TEKT3: variants seen among roughly 807,000 people sequenced by gnomAD.
The protein encoded by TEKT3 is tektin-3.
A neutral mutation model predicts 49.8 loss-of-function variants in TEKT3; 49 were observed. That is an observed-to-expected ratio of 0.98 (90% CI 0.78 to 1.25). TEKT3 has a LOEUF of 1.25. Among genes scored for constraint, TEKT3 ranks in the 50% most tolerant of loss-of-function variants. The pLI, the probability that TEKT3 is intolerant of heterozygous loss-of-function variation, is 0.00. For missense variants in TEKT3, 595 were observed against 629.5 expected (o/e 0.95, Z 0.59); for synonymous variants, 225 against 237.2 (o/e 0.95, Z 0.47).
chr17:15,322,823 T>G (rs1288712134), intron 4 of TEKT3, among the ~76,000 whole-genome samples: 1 of 152,188 alleles, frequency 6.6e-6, no homozygotes, highest in Admixed American at 6.5e-5. Flanking sequence ...GGTGCAGATA[T>G]TTCATTTCCA....
Position 15,331,356 on chromosome 17 carries a change from T to A in TEKT3, c.230A>T (p.Glu77Val), listed in dbSNP as rs1462414394. The A allele has an allele frequency of 6.2e-7, 1 of 1,614,206 alleles. No individual in the cohort carries two copies. Among genetic ancestry groups the A allele is most frequent in the Non-Finnish European group, 8.5e-7 (1 of 1,180,034 alleles). Residue 77 changes from glutamate to valine, a missense_variant, in exon 3 of 9, where the codon GAG becomes GTG. Glu to Val is a moderately radical substitution (Grantham distance 121). Transcript: ENST00000395930. ...PYCTRSQRVSENTMLPFVSNR... is the reference protein window; with the variant it reads ...PYCTRSQRVSVNTMLPFVSNR... The stretch of plus-strand genomic sequence containing the variant: ...GGAAACAAAGGGAAGCATGGTATTC[T>A]CGGACACCCTCTGTGATCTGGTGCA...
chr17:15,326,414 T>G (rs1443663764), intron 4 of TEKT3, among the ~76,000 whole-genome samples: 2 of 152,186 alleles, frequency 1.3e-5, no homozygotes, highest in Non-Finnish European at 2.9e-5. Flanking sequence ...ATTTTTCTCC[T>G]GCAGAAATTA....
chr17:15,342,371 G>A (rs1268943712), upstream of TEKT3, among the ~76,000 whole-genome samples: 1 of 152,214 alleles, frequency 6.6e-6, no homozygotes, highest in African/African-American at 2.4e-5. Context: ...GTCTAACCGT[G>A]TGAGCAGCAA....
chr17:15,309,789 G>A (rs1168518686), intron 7 of TEKT3, among the ~76,000 whole-genome samples: 1 of 152,026 alleles, frequency 6.6e-6, no homozygotes, highest in Non-Finnish European at 1.5e-5. Context: ...CCTAGCTGCT[G>A]TCATGAAACT....
intron 8 of TEKT3, among the ~76,000 whole-genome samples, chr17:15,305,119 GC>G (rs1910490530): frequency 3.3e-5 from 5 of 152,182 alleles, no homozygotes; most frequent in Admixed American, 2.0e-4. Flanking sequence ...GTAGAGAGTT[GC>G]CCAAGGTCTG....
chr17:15,312,566 G>A, intron 6 of TEKT3, 85 bp from the exon 7 acceptor site: 2 of 1,231,486 alleles, frequency 1.6e-6, no homozygotes, highest in East Asian at 4.8e-5. Flanking sequence ...TCCTGAGAGA[G>A]AGAAACCCCC....
intron 5 of TEKT3, among the ~76,000 whole-genome samples, chr17:15,317,774 CCTT>C: frequency 6.6e-6 from 1 of 152,156 alleles, no homozygotes; most frequent in South Asian, 2.1e-4. Flanking sequence ...TTGCCTGAGA[CCTT>C]CTTTATTATT....
At chr17:15,317,070 T>C (rs1040583435) in intron 5 of TEKT3, among the ~76,000 whole-genome samples, 1 of 152,172 alleles carries the variant, frequency 6.6e-6, no homozygotes, top group African/African-American at 2.4e-5. Context: ...TCCAGTCACC[T>C]GCCCTGGACA....
chr17:15,323,991 T>TA (rs1336130288), intron 4 of TEKT3, among the ~76,000 whole-genome samples: 1 of 152,226 alleles, frequency 6.6e-6, no homozygotes, highest in Non-Finnish European at 1.5e-5. Context: ...TGATGGTTTT[T>TA]AGTACATTCG....
chr17:15,315,752 G>T (rs1048129066), intron 5 of TEKT3, among the ~76,000 whole-genome samples: 3 of 152,118 alleles, frequency 2.0e-5, no homozygotes, highest in African/African-American at 7.2e-5. Context: ...CATGAAGGAG[G>T]TTGTTGGAAT....
chr17:15,304,304 A>G lies in TEKT3; in HGVS notation c.1257-152T>C. 2 of 686,076 alleles carry G rather than the reference A, an allele frequency of 2.9e-6. No individual in the cohort carries two copies. Among genetic ancestry groups the G allele is most frequent in the East Asian group, 2.7e-5 (1 of 36,508 alleles). The allele number at this position is 686,076 out of a possible 1,614,324, so 42.5% of individuals were successfully genotyped here. A position where few individuals can be genotyped will look rare whatever the true frequency, so the allele number is the denominator to read the frequency against. ...GAGAGGTGCATGAAATTAATAAAAT[A>G]TAAAGAAATATAAAGAGAATGGTGA... On this transcript the variant is annotated intron_variant, in intron 8 of 8. Transcript: ENST00000395930. This position sits in a 1 kb window ranked among gnomAD's most constrained non-coding sequence, Gnocchi z 4.7.
Position 15,327,981 on chromosome 17 carries a change from C to T in TEKT3, c.663+11G>A. Reference sequence around the variant, plus strand: ...AGCTGCCTGTGACTGATGCATTTCCCCCACATTTACCGTCAGCAGTTGTGC... The same window carrying T: ...AGCTGCCTGTGACTGATGCATTTCCTCCACATTTACCGTCAGCAGTTGTGC... On this transcript the variant is annotated intron_variant, in intron 4 of 8. Coordinates refer to ENST00000395930, the MANE Select transcript of TEKT3 (RefSeq NM_031898.3). 6.2e-7 allele frequency: 1 copy of T among 1,611,854 alleles called. No homozygotes were observed. Among genetic ancestry groups the T allele is most frequent in the Non-Finnish European group, 8.5e-7 (1 of 1,178,126 alleles).
intron 7 of TEKT3, among the ~76,000 whole-genome samples, chr17:15,309,067 C>A (rs1910663080): frequency 6.6e-6 from 1 of 152,156 alleles, no homozygotes; most frequent in African/African-American, 2.4e-5. Context: ...TTGGCAACCT[C>A]ATTTTGGTAG....
At position 15,312,418 on chromosome 17, in the gene TEKT3, T is replaced by C. The variant is rs1910812265; in HGVS notation, c.942A>G (p.Glu314=). 1 of 1,614,218 alleles carries C rather than the reference T, an allele frequency of 6.2e-7. No individual in the cohort carries two copies. The highest frequency in any genetic ancestry group is 8.5e-7 in the Non-Finnish European group (1 of 1,180,034). Residue 314 remains glutamate (E), a synonymous_variant, in exon 7 of 9, where the codon GAA becomes GAG. Coordinates refer to ENST00000395930, the MANE Select transcript of TEKT3 (RefSeq NM_031898.3). ...CTCTTAGCTTAGCGGAAGCTGCCCG[T>C]TCACTCTGGGAGCGGAGAATATTGT... ...TDDNILRSQS[E]RAASAKLRDD...
chr17:15,336,547 A>G (rs1412150685), intron 2 of TEKT3, among the ~76,000 whole-genome samples: 1 of 151,504 alleles, frequency 6.6e-6, no homozygotes, highest in Admixed American at 6.6e-5. Context: ...AATGGTAAGC[A>G]TGTGTGCTAA....
intron 5 of TEKT3, among the ~76,000 whole-genome samples, chr17:15,316,655 G>C (rs981348301): frequency 5.3e-5 from 8 of 152,194 alleles, no homozygotes; most frequent in Non-Finnish European, 8.8e-5. Context: ...AAAGCCATAT[G>C]CTTCAGCATC....
chr17:15,322,195 C>A (rs962556637), intron 4 of TEKT3, among the ~76,000 whole-genome samples: 1 of 152,106 alleles, frequency 6.6e-6, no homozygotes, highest in Admixed American at 6.5e-5. Context: ...GAAGTGAAAT[C>A]GCACTTGTAC....
chr17:15,312,522 G>C lies in TEKT3; in HGVS notation c.879-41C>G, dbSNP rs1567574572. ...AGAAGCAGACAACAGTGAGAGTGAT[G>C]AATCAGCCTACAGGATCGCTAGGCA... On this transcript the variant is annotated intron_variant, in intron 6 of 8. Coordinates refer to ENST00000395930, the MANE Select transcript of TEKT3 (RefSeq NM_031898.3). The C allele has an allele frequency of 1.9e-6, 3 of 1,577,256 alleles. No individual in the cohort carries two copies. The Admixed American group carries it at 5.0e-5, about 26-fold the overall frequency.
At position 15,335,401 on chromosome 17, in the gene TEKT3, C is replaced by T. The variant is rs117353656; in HGVS notation, c.-29-3787G>A. ...CTAGAACTTACAGAGGGTGGAGATA[C>T]ATTATGAACACAGACTAACTAGATT... is the stretch of plus-strand genomic sequence containing the variant. On this transcript the variant is annotated intron_variant, in intron 2 of 8. Coordinates refer to ENST00000395930, the MANE Select transcript of TEKT3 (RefSeq NM_031898.3). Among the ~76,000 whole-genome samples, 116 of 152,218 alleles carry T rather than the reference C, an allele frequency of 7.6e-4. 3 individuals carry two copies. The East Asian group carries it at 0.022, about 29-fold the overall frequency.
Sources: allele counts gnomAD v4.1 joint callset (sites outside exome capture counted in the v4.1 genomes callset), GRCh38; gene constraint gnomAD v4.1.1; non-coding constraint Gnocchi (gnomAD v3.1); transcripts MANE v1.5; gene names NCBI Gene and HGNC (gene_info 2026-07-23, HGNC 2026-07-21).